SLC2A5: variants seen among roughly 807,000 people sequenced by gnomAD.
The protein encoded by SLC2A5 is solute carrier family 2, facilitated glucose transporter member 5.
A neutral mutation model predicts 50.3 loss-of-function variants in SLC2A5; 56 were observed. The ratio of observed to expected loss-of-function variants is 1.11; its 90% CI spans 0.90 to 1.39. SLC2A5 has a LOEUF of 1.39. Among genes scored for constraint, SLC2A5 ranks in the 40% most tolerant of loss-of-function variants. SLC2A5 has a pLI of 0.00. For synonymous variants in SLC2A5, 269 were observed against 281.9 expected, an observed-to-expected ratio of 0.95 and a Z score of 0.46; for missense variants, 566 against 650.1, an observed-to-expected ratio of 0.87 and a Z score of 1.41.
At chr1:9,082,260 CA>C (rs1642363092) in intron 2 of SLC2A5, among the ~76,000 whole-genome samples, 1 of 151,972 alleles carries the variant, frequency 6.6e-6, no homozygotes, top group Admixed American at 6.6e-5. Context: ...GATATATACC[CA>C]AAAAGAATGA....
intron 8 of SLC2A5, 148 bp downstream of exon 8, chr1:9,039,404 G>A (rs1015382288): frequency 5.0e-6 from 3 of 603,934 alleles, no homozygotes; most frequent in African/African-American, 1.9e-5. Context: ...GGGCTGGTGC[G>A]GGGCCACCTC....
chr1:9,050,507 C>T (rs1641542532), intron 3 of SLC2A5, among the ~76,000 whole-genome samples: 2 of 152,102 alleles, frequency 1.3e-5, no homozygotes, highest in South Asian at 4.1e-4. Context: ...AACAACTGGA[C>T]ATCTATATGC....
upstream of SLC2A5, among the ~76,000 whole-genome samples, chr1:9,093,166 G>A (rs1642478082): frequency 6.6e-6 from 1 of 152,034 alleles, no homozygotes; most frequent in Non-Finnish European, 1.5e-5. Context: ...CCTACAGCCA[G>A]GAGACTGGGT....
intron 4 of SLC2A5, among the ~76,000 whole-genome samples, chr1:9,045,646 G>T (rs547276213): frequency 6.6e-6 from 1 of 152,004 alleles, no homozygotes; most frequent in Non-Finnish European, 1.5e-5. Context: ...CCAGCATTTC[G>T]GGAGGCTGAG....
At chr1:9,086,009 C>G (rs1642397502) in intron 1 of SLC2A5, among the ~76,000 whole-genome samples, 1 of 152,222 alleles carries the variant, frequency 6.6e-6, no homozygotes, top group South Asian at 2.1e-4. Context: ...TAAGTCTTCC[C>G]TCCCAGGTCC....
chr1:9,057,640 T>C (rs1641795662), intron 2 of SLC2A5, 32 bp from the exon 3 acceptor site: 1 of 1,598,026 alleles, frequency 6.3e-7, no homozygotes, highest in South Asian at 1.1e-5. Flanking sequence ...AACACCAAAA[T>C]AATTTGATCC....
intron 2 of SLC2A5, among the ~76,000 whole-genome samples, chr1:9,082,038 C>G (rs995818140): frequency 1.3e-5 from 2 of 152,034 alleles, no homozygotes; most frequent in Non-Finnish European, 1.5e-5. Flanking sequence ...GCTGAGATTG[C>G]ACCACTGCAC....
At chr1:9,071,876 C>CCCTCTGCCTCAGCCCGGGTCCCCCTCGG (rs1557682921), upstream of SLC2A5, 1 of 142,790 alleles carries the variant, frequency 7.0e-6, no homozygotes. Flanking sequence ...TGCCCAGGAC[C>CCCTCTGCCTCAGCCCGGGTCCCCCTCGG]CCTCTGCCTC....
rs377511535 is a variant in SLC2A5, at chr1:9,041,705, G to A, written c.571+80C>T. ...AGTCTGCAGAAAGTCCTGTCCTGTG[G>A]TGGTGGCTTTGGAACACAAGGAGGG... On this transcript the variant is annotated intron_variant, in intron 5 of 11. Coordinates refer to ENST00000377424, the MANE Select transcript of SLC2A5 (RefSeq NM_003039.3). 18 of 1,612,374 alleles carry A rather than the reference G, an allele frequency of 1.1e-5. No individual in the cohort carries two copies. The African/African-American group carries it at 1.2e-4, about 11-fold the overall frequency.
At position 9,048,247 on chromosome 1, in the gene SLC2A5, G is replaced by T. The variant is rs557228515; in HGVS notation, c.294-513C>A. ...ATTGGGGCCAGGCATGGTGGCTCAC[G>T]CCTGTAATCCCAGCACTTTGGGAGG... On this transcript the variant is annotated intron_variant, in intron 3 of 11. Transcript: ENST00000377424. Among the ~76,000 whole-genome samples the T allele has an allele frequency of 6.6e-5, 10 of 152,246 alleles. No individual in the cohort carries two copies. In the South Asian group the frequency reaches 2.1e-3, roughly 32 times the overall value.
chr1:9,082,857 C>T (rs571342511), intron 2 of SLC2A5: 5 of 357,390 alleles, frequency 1.4e-5, no homozygotes, highest in South Asian at 2.2e-5. Context: ...GTTCGATGAT[C>T]ATGTATGGTA....
chr1:9,068,189 C>CAAAAAAAAAAAAAAAAAAA (rs755203801), intron 1 of SLC2A5, among the ~76,000 whole-genome samples: 9 of 77,092 alleles, frequency 1.2e-4, no homozygotes, highest in African/African-American at 4.4e-4. Flanking sequence ...GACTCTGTGT[C>CAAAAAAAAAAAAAAAAAAA]AAAAAAAAAA....
At chr1:9,049,245 G>A (rs762680205) in intron 3 of SLC2A5, 15 of 455,104 alleles carry the variant, frequency 3.3e-5, no homozygotes, top group Non-Finnish European at 2.2e-5. Flanking sequence ...TGCCACACGT[G>A]AGAGCCGCTT....
chr1:9,055,598 T>C (rs775622456), intron 3 of SLC2A5, among the ~76,000 whole-genome samples: 5 of 152,076 alleles, frequency 3.3e-5, no homozygotes, highest in Non-Finnish European at 5.9e-5. Flanking sequence ...ACATAGGAAC[T>C]CATTAATAAA....
intron 2 of SLC2A5, among the ~76,000 whole-genome samples, chr1:9,084,129 G>C (rs1421073858): frequency 6.6e-6 from 1 of 151,628 alleles, no homozygotes; most frequent in Admixed American, 6.6e-5. Context: ...GGGCGACAGC[G>C]AGACTCCGTC....
chr1:9,040,421 C>T lies in SLC2A5; in HGVS notation c.572-232G>A, dbSNP rs575314518. The T allele has an allele frequency of 3.2e-4, 176 of 544,762 alleles. 1 individual carries two copies. The highest frequency in any genetic ancestry group is 2.7e-3 in the African/African-American group (138 of 51,386). 33.7% of individuals were successfully genotyped at this position (544,762 alleles called of 1,614,324 possible). A position where few individuals can be genotyped will look rare whatever the true frequency, so the allele number is the denominator to read the frequency against. On this transcript the variant is annotated intron_variant, in intron 5 of 11. Coordinates refer to ENST00000377424, the MANE Select transcript of SLC2A5 (RefSeq NM_003039.3). The surrounding 1 kb of genome is among the most constrained non-coding windows in gnomAD (Gnocchi z 4.3). ...CATCAGACAGACCACACCGACGAGG[C>T]CGGTAATACCATGTGCTGGTGAGAA...
rs543027170 is a variant in SLC2A5 at position 9,054,522 on chromosome 1, C to T, written c.293+2926G>A. ...CTAAGATAAATTTGAAAGCAACTGA[C>T]TTTCCACTTGGAAAAATAAAATAAA... On this transcript the variant is annotated intron_variant, in intron 3 of 11. Coordinates refer to ENST00000377424, the MANE Select transcript of SLC2A5 (RefSeq NM_003039.3). Among the ~76,000 whole-genome samples, 15 of 152,306 alleles carry T rather than the reference C, an allele frequency of 9.8e-5. No homozygotes were observed. In the East Asian group the frequency reaches 1.5e-3, roughly 16 times the overall value.
intron 3 of SLC2A5, among the ~76,000 whole-genome samples, chr1:9,056,888 T>G (rs1269499543): frequency 6.6e-6 from 1 of 152,196 alleles, no homozygotes. Context: ...CTTCCGGGTC[T>G]GCCCGAGGGC....
Position 9,037,026 on chromosome 1 carries a change from AT to A in SLC2A5, c.*559del, listed in dbSNP as rs1641149864. On this transcript the variant is annotated 3_prime_UTR_variant, in exon 12 of 12. Coordinates refer to ENST00000377424, the MANE Select transcript of SLC2A5 (RefSeq NM_003039.3). Reference sequence around the variant, plus strand: ...CTAACAAAATAATTTAGGATGAAGAATTCTGACTCAGTGTCTCCACAGGAAC... The same window carrying A: ...CTAACAAAATAATTTAGGATGAAGAATCTGACTCAGTGTCTCCACAGGAAC... The A allele has an allele frequency of 6.5e-6, 1 of 154,076 alleles. No individual in the cohort carries two copies. The highest frequency in any genetic ancestry group is 1.4e-5 in the Non-Finnish European group (1 of 69,414). 9.5% of individuals were successfully genotyped at this position (154,076 alleles called of 1,614,324 possible). A position where few individuals can be genotyped will look rare whatever the true frequency, so the allele number is the denominator to read the frequency against.
Sources: gnomAD v4.1 joint callset for allele counts (sites outside exome capture counted in the v4.1 genomes callset) on GRCh38, gnomAD v4.1.1 for gene constraint, Gnocchi (gnomAD v3.1) non-coding constraint, MANE v1.5 for transcripts, NCBI Gene and HGNC (gene_info 2026-07-23, HGNC 2026-07-21) for gene names.